Variants in ARK2N observed in about 807,000 individuals in gnomAD.
The protein encoded by ARK2N is arkadia (RNF111) N-terminal like PKA signaling regulator 2N, also known as protein ARK2N.
At chr18:46,208,464 CTTTTTTTTTTTTTTTT>C in the ARK2N span, among the ~76,000 whole-genome samples, 3 of 68,364 alleles carry the variant, frequency 4.4e-5, no homozygotes, top group Non-Finnish European at 8.3e-5. Flanking sequence ...GTTCTTAAAT[CTTTTTTTTTTTTTTTT>C]TTTTTTTTGA....
chr18:46,239,792 T>G, the ARK2N span, among the ~76,000 whole-genome samples: 2 of 152,206 alleles, frequency 1.3e-5, no homozygotes, highest in African/African-American at 4.8e-5. Flanking sequence ...GTAACACTCC[T>G]TTTCCTCCTT....
chr18:46,180,754 A>G, the ARK2N span, among the ~76,000 whole-genome samples: 1 of 151,916 alleles, frequency 6.6e-6, no homozygotes, highest in East Asian at 1.9e-4. Flanking sequence ...CTCTGCCCAC[A>G]GAACTCAACC....
the ARK2N span, among the ~76,000 whole-genome samples, chr18:46,244,262 C>A: frequency 3.0e-4 from 46 of 152,228 alleles, no homozygotes; most frequent in African/African-American, 1.1e-3. Flanking sequence ...AAGCAGAAGT[C>A]TTGGTGAGGA....
the ARK2N span, among the ~76,000 whole-genome samples, chr18:46,250,400 C>G: frequency 6.6e-6 from 1 of 151,838 alleles, no homozygotes; most frequent in Non-Finnish European, 1.5e-5. Context: ...GTAACTCTAT[C>G]CATTTACCTA....
At chr18:46,182,867 A>C in the ARK2N span, among the ~76,000 whole-genome samples, 1 of 152,060 alleles carries the variant, frequency 6.6e-6, no homozygotes, top group Admixed American at 6.6e-5. Context: ...GTGGAGAAAA[A>C]GTTGGCTGGC....
chr18:46,193,535 C>T, the ARK2N span, among the ~76,000 whole-genome samples: 4 of 151,274 alleles, frequency 2.6e-5, no homozygotes, highest in Non-Finnish European at 5.9e-5. Context: ...GTGATCCACC[C>T]ACCTCGGCCT....
the ARK2N span, among the ~76,000 whole-genome samples, chr18:46,221,435 C>A: frequency 0.014 from 2,127 of 150,480 alleles, 58 homozygotes; most frequent in African/African-American, 0.049. Flanking sequence ...TGGCGCGCGT[C>A]TGTAGTCCCA....
At chr18:46,187,873 G>A in the ARK2N span, among the ~76,000 whole-genome samples, 1 of 152,180 alleles carries the variant, frequency 6.6e-6, no homozygotes, top group East Asian at 1.9e-4. Flanking sequence ...TTCAAGCTAA[G>A]CCTATTAAAA....
At chr18:46,208,406 C>T in the ARK2N span, among the ~76,000 whole-genome samples, 2 of 148,144 alleles carry the variant, frequency 1.4e-5, no homozygotes, top group Admixed American at 6.7e-5. Context: ...TTGTGTATTA[C>T]AGATAGAGAT....
the ARK2N span, among the ~76,000 whole-genome samples, chr18:46,235,516 T>G: frequency 6.6e-6 from 1 of 152,238 alleles, no homozygotes; most frequent in East Asian, 1.9e-4. Context: ...TGTTAACGTC[T>G]TCTTTAACCC....
At chr18:46,237,065 G>T in the ARK2N span, among the ~76,000 whole-genome samples, 1 of 151,922 alleles carries the variant, frequency 6.6e-6, no homozygotes, top group South Asian at 2.1e-4. Context: ...GTTTTACCAT[G>T]TTGGTCAGGC....
the ARK2N span, among the ~76,000 whole-genome samples, chr18:46,227,870 T>C: frequency 6.6e-6 from 1 of 152,202 alleles, no homozygotes; most frequent in Non-Finnish European, 1.5e-5. Flanking sequence ...AGTGCTGGGA[T>C]TATAGGCGTG....
the ARK2N span, among the ~76,000 whole-genome samples, chr18:46,242,695 T>G: frequency 7.2e-5 from 11 of 152,238 alleles, no homozygotes; most frequent in Non-Finnish European, 1.3e-4. Flanking sequence ...TTTTTAAAAC[T>G]AATTGGTATC....
chr18:46,255,716 G>T, the ARK2N span, among the ~76,000 whole-genome samples: 3 of 151,546 alleles, frequency 2.0e-5, no homozygotes, highest in South Asian at 6.2e-4. Flanking sequence ...CTCCCAAAGT[G>T]CTGGGATCAC....
chr18:46,208,899 G>C, the ARK2N span, among the ~76,000 whole-genome samples: 1 of 152,158 alleles, frequency 6.6e-6, no homozygotes, highest in Non-Finnish European at 1.5e-5. Context: ...TTTCATAGGG[G>C]TAATATTAGT....
the ARK2N span, chr18:46,173,763 C>T: frequency 6.6e-6 from 1 of 152,442 alleles, no homozygotes; most frequent in African/African-American, 2.4e-5. Flanking sequence ...TTGCTGAAGG[C>T]ATTGTCCTTG....
the ARK2N span, among the ~76,000 whole-genome samples, chr18:46,219,499 C>T: frequency 6.8e-6 from 1 of 146,504 alleles, no homozygotes; most frequent in Non-Finnish European, 1.5e-5. Flanking sequence ...GAGACCGAGT[C>T]TTGCTCTGTC....
the ARK2N span, among the ~76,000 whole-genome samples, chr18:46,191,770 C>T: frequency 6.6e-6 from 1 of 152,190 alleles, no homozygotes; most frequent in African/African-American, 2.4e-5. Context: ...TCTACCATTA[C>T]AGCGTCATAC....
the ARK2N span, among the ~76,000 whole-genome samples, chr18:46,188,711 T>C: frequency 7.2e-5 from 11 of 152,288 alleles, no homozygotes; most frequent in African/African-American, 2.4e-4. Context: ...TCAACTTATC[T>C]TTTAAAAAAT....
Sources: allele counts gnomAD v4.1 joint callset (sites outside exome capture counted in the v4.1 genomes callset), GRCh38; gene constraint gnomAD v4.1.1; transcripts MANE v1.5; gene names NCBI Gene and HGNC (gene_info 2026-07-23, HGNC 2026-07-21).